The following HCN2 variants were observed in gnomAD, a reference collection of about 807,000 sequenced individuals.
The protein encoded by HCN2 is potassium/sodium hyperpolarization-activated cyclic nucleotide-gated channel 2.
HCN2 carries 20 observed loss-of-function variants against 52.3 expected under a neutral mutation model. That is an observed-to-expected ratio of 0.38 (90% CI 0.27 to 0.56). The LOEUF (loss-of-function observed/expected upper bound fraction) is 0.56. HCN2 is among the 20% of genes least tolerant of loss of function. The probability of loss-of-function intolerance (pLI) is 0.71; values close to 1 mark genes in which losing one functional copy is unlikely to be tolerated. For missense variants in HCN2, 981 were observed against 1,207.7 expected (o/e 0.81, Z 2.78); for synonymous variants, 694 against 537.0 (o/e 1.29, Z -4.04).
chr19:600,828 C>T (rs1315343284), intron 1 of HCN2, among the ~76,000 whole-genome samples: 2 of 152,166 alleles, frequency 1.3e-5, no homozygotes, highest in Non-Finnish European at 1.5e-5. Context: ...TAAAACCTAT[C>T]AATCAGTGTC....
At chr19:606,470 G>A (rs532120787) in intron 3 of HCN2, among the ~76,000 whole-genome samples, 1 of 152,282 alleles carries the variant, frequency 6.6e-6, no homozygotes, top group Non-Finnish European at 1.5e-5. Context: ...ACTCCAGCCT[G>A]GGTCACAGAG....
Position 616,313 on chromosome 19 carries a change from T to A in HCN2, c.2509T>A (p.Ser837Thr). The part of the protein sequence containing the change: ...LPHGAPGPAA[S>T]TRPASSSTPR... ...TCACGGCGCCCCCGGCCCCGCGGCC[T>A]CCACACGCCCGGCCAGCAGCTCCAC... Residue 837 changes from serine to threonine, a missense_variant, in exon 8 of 8, where the codon TCC becomes ACC. Physicochemically the swap from Ser to Thr is moderately conservative, Grantham distance 58 (BLOSUM62 1). Coordinates refer to ENST00000251287, the MANE Select transcript of HCN2 (RefSeq NM_001194.4). The A allele has an allele frequency of 8.9e-7, 1 of 1,125,810 alleles. No homozygotes were observed. Among genetic ancestry groups the A allele is most frequent in the Non-Finnish European group, 1.1e-6 (1 of 916,990 alleles). The allele number at this position is 1,125,810 out of a possible 1,614,324, so 69.7% of individuals were successfully genotyped here. A position where few individuals can be genotyped will look rare whatever the true frequency, so the allele number is the denominator to read the frequency against.
chr19:616,029 T>C lies in HCN2; in HGVS notation c.2225T>C (p.Val742Ala), dbSNP rs1464702137. 6.8e-6 allele frequency: 9 copies of C among 1,325,490 alleles called. No individual in the cohort carries two copies. The highest frequency in any genetic ancestry group is 8.6e-6 in the Non-Finnish European group (9 of 1,043,908). The allele number at this position is 1,325,490 out of a possible 1,614,324, so 82.1% of individuals were successfully genotyped here. A position where few individuals can be genotyped will look rare whatever the true frequency, so the allele number is the denominator to read the frequency against. Residue 742 changes from valine (V) to alanine (A), a missense_variant, in exon 8 of 8, where the codon GTG becomes GCG. Physicochemically the swap from Val to Ala is moderately conservative, Grantham distance 64. Transcript: ENST00000251287. The part of the protein sequence containing the change: ...QAAAMSFCPQ[V>A]ARPLVGPLAL... Reference sequence around the variant, plus strand: ...GCGGCCATGAGCTTCTGCCCGCAGGTGGCGCGGCCGCTCGTGGGGCCGCTG... The same window carrying C: ...GCGGCCATGAGCTTCTGCCCGCAGGCGGCGCGGCCGCTCGTGGGGCCGCTG...
At position 613,328 on chromosome 19, in the gene HCN2, C is replaced by T; in HGVS notation, c.1665C>T (p.Ala555=). Residue 555 remains alanine, a synonymous_variant, in exon 6 of 8, where the codon GCC becomes GCT. Coordinates refer to ENST00000251287, the MANE Select transcript of HCN2 (RefSeq NM_001194.4). ...FANADPNFVT[A]MLTKLKFEVF... is the part of the protein sequence containing the mutation. ...ACGCCGACCCCAACTTCGTCACGGC[C>T]ATGCTGACCAAGCTCAAGTTCGAGG... 1 of 1,613,052 alleles carries T rather than the reference C, an allele frequency of 6.2e-7. No individual in the cohort carries two copies. The highest frequency in any genetic ancestry group is 8.5e-7 in the Non-Finnish European group (1 of 1,179,910).
rs1983938549 is a variant in HCN2, at chr19:616,544, A to T, written c.*70A>T. The T allele has an allele frequency of 2.2e-6, 2 of 912,982 alleles. No individual in the cohort carries two copies. The highest frequency in any genetic ancestry group is 2.8e-6 in the Non-Finnish European group (2 of 723,324). 56.6% of individuals were successfully genotyped at this position (912,982 alleles called of 1,614,324 possible). On this transcript the variant is annotated 3_prime_UTR_variant, in exon 8 of 8. Coordinates refer to ENST00000251287, the MANE Select transcript of HCN2 (RefSeq NM_001194.4). ...CCGTCATCCAGACCAAAGCCATGCC[A>T]TTGCGCTGCCCCGGCCGCCAGTCCG...
At chr19:605,350 C>A (rs1210367549) in intron 3 of HCN2, 128 bp downstream of exon 3, 2 of 660,818 alleles carry the variant, frequency 3.0e-6, no homozygotes, top group African/African-American at 3.8e-5. Flanking sequence ...CAGGCGCCCC[C>A]TTATGGAGGG....
At chr19:610,950 T>C (rs1051877948) in intron 5 of HCN2, among the ~76,000 whole-genome samples, 13 of 152,180 alleles carry the variant, frequency 8.5e-5, no homozygotes, top group African/African-American at 2.7e-4. Context: ...CCTTCCTGCC[T>C]CTTCCGGCGT....
intron 5 of HCN2, among the ~76,000 whole-genome samples, chr19:612,429 A>T (rs749559357): frequency 0.06 from 3,878 of 64,336 alleles, 65 homozygotes; most frequent in African/African-American, 0.062. Flanking sequence ...TGTGTGTGTG[A>T]GAGAGAGATG....
intron 2 of HCN2, among the ~76,000 whole-genome samples, chr19:604,677 G>A (rs1479171893): frequency 2.2e-4 from 23 of 104,474 alleles, no homozygotes; most frequent in South Asian, 1.2e-3. Context: ...GGCGGGGTCA[G>A]GCAGCAGGGG....
chr19:614,643 G>A (rs1331483964), intron 7 of HCN2, among the ~76,000 whole-genome samples: 1 of 152,150 alleles, frequency 6.6e-6, no homozygotes, highest in East Asian at 1.9e-4. Context: ...GGAGGTTGGG[G>A]AAGAAGGGGA....
Position 610,363 on chromosome 19 carries a change from C to T in HCN2, c.1542C>T (p.Asp514=), listed in dbSNP as rs141337133. The stretch of plus-strand genomic sequence containing the variant: ...ACCGTTACCAGGGCAAGATGTTTGA[C>T]GAGGACAGCATCCTGGGCGAGCTCA... ...YEHRYQGKMF[D]EDSILGELNG... Residue 514 remains aspartate, a synonymous_variant, in exon 5 of 8, where the codon GAC becomes GAT. Coordinates refer to ENST00000251287, the MANE Select transcript of HCN2 (RefSeq NM_001194.4). The T allele has an allele frequency of 1.6e-4, 264 of 1,613,578 alleles. No homozygotes were observed. Among genetic ancestry groups the T allele is most frequent in the African/African-American group, 4.0e-4 (30 of 74,908 alleles).
Position 612,938 on chromosome 19 carries a change from C to T in HCN2, c.1585-310C>T, listed in dbSNP as rs143656719. Among the ~76,000 whole-genome samples, 478 of 152,124 alleles carry T rather than the reference C, an allele frequency of 3.1e-3. 6 individuals carry two copies. Among genetic ancestry groups the T allele is most frequent in the African/African-American group, 0.011 (446 of 41,518 alleles). The stretch of plus-strand genomic sequence containing the variant: ...CAAGCGATCCTCCCGCCTCGGCCTC[C>T]GCAAATGCTGAGATCACACGCGTGA... On this transcript the variant is annotated intron_variant, in intron 5 of 7. Transcript: ENST00000251287.
chr19:610,585 G>GACCCCCGCC lies in HCN2; in HGVS notation c.1584+190_1584+198dup, dbSNP rs1252005333. On this transcript the variant is annotated intron_variant, in intron 5 of 7. Coordinates refer to ENST00000251287, the MANE Select transcript of HCN2 (RefSeq NM_001194.4). ...GCCCCGTGAGCCTCTGCACCCCCAG[G>GACCCCCGCC]ACCCCCGCCACCCCCGCCTTGCTTC... 5.9e-5 allele frequency among the ~76,000 whole-genome samples: 9 copies of GACCCCCGCC among 152,216 alleles called. No individual in the cohort carries two copies. The South Asian group carries it at 1.2e-3, about 21-fold the overall frequency.
rs574510166 is a variant in HCN2, at chr19:610,975, G to A, written c.1584+570G>A. On this transcript the variant is annotated intron_variant, in intron 5 of 7. Transcript: ENST00000251287. ...TCTTCCGGCGTCTGGGGCTCCAGGCGCCCTTGGCTTGCAGATTGATCTCCC... is the reference window on the plus strand; with the variant it reads ...TCTTCCGGCGTCTGGGGCTCCAGGCACCCTTGGCTTGCAGATTGATCTCCC... 6.9e-3 allele frequency among the ~76,000 whole-genome samples: 1,048 copies of A among 152,124 alleles called. 7 individuals carry two copies. Among genetic ancestry groups the A allele is most frequent in the Middle Eastern group, 0.014 (4 of 294 alleles).
rs1350238863 is a variant in HCN2, at chr19:591,559, GTGTT to G, written c.632+986_632+989del. 2.6e-5 allele frequency among the ~76,000 whole-genome samples: 4 copies of G among 152,146 alleles called. No individual in the cohort carries two copies. Among genetic ancestry groups the G allele is most frequent in the Admixed American group, 1.3e-4 (2 of 15,292 alleles). ...CACGCGACCATGGAGGGATGCGTGT[GTGTT>G]TGTGTATCCACGAGTGGGGTGTGAG... On this transcript the variant is annotated intron_variant, in intron 1 of 7. Coordinates refer to ENST00000251287, the MANE Select transcript of HCN2 (RefSeq NM_001194.4). This position sits in a 1 kb window ranked among gnomAD's most constrained non-coding sequence, Gnocchi z 4.1.
rs1489713522 is a variant in HCN2 at position 612,687 on chromosome 19, T to G, written c.1585-561T>G. ...ACCTTGGCCTCCCAGAGTGCTGGGA[T>G]TACAGGTGTGAGCCACCACGCCCGG... On this transcript the variant is annotated intron_variant, in intron 5 of 7. Transcript: ENST00000251287. Among the ~76,000 whole-genome samples, 6 of 151,906 alleles carry G rather than the reference T, an allele frequency of 3.9e-5. No homozygotes were observed. In the South Asian group the frequency reaches 1.2e-3, roughly 32 times the overall value.
rs564069331 is a variant in HCN2, at chr19:595,297, C to T, written c.632+4720C>T. 5.3e-5 allele frequency among the ~76,000 whole-genome samples: 8 copies of T among 151,668 alleles called. 1 individual carries two copies. The South Asian group carries it at 1.5e-3, about 28-fold the overall frequency. ...GGGCCCTGCCTCACCCCCCACCCCA[C>T]GGTTCAGCCTCGCACCCTGTGCGCT... On this transcript the variant is annotated intron_variant, in intron 1 of 7. Coordinates refer to ENST00000251287, the MANE Select transcript of HCN2 (RefSeq NM_001194.4).
Position 615,826 on chromosome 19 carries a change from G to A in HCN2, c.2022G>A (p.Val674=), listed in dbSNP as rs1175185234. 1.9e-6 allele frequency: 3 copies of A among 1,612,464 alleles called. No homozygotes were observed. Among genetic ancestry groups the A allele is most frequent in the South Asian group, 1.1e-5 (1 of 90,972 alleles). ...AGAATTCCATCCTCCTGCACAAGGT[G>A]CAGCATGACCTCAACTCGGGCGTAT... ...GKKNSILLHK[V]QHDLNSGVFN... The change falls in exon 8 of 8, where the codon GTG becomes GTA. Residue 674 remains valine (V), a synonymous_variant. Transcript: ENST00000251287.
chr19:616,361 G>A lies in HCN2; in HGVS notation c.2557G>A (p.Ala853Thr), dbSNP rs983434550. 1.3e-5 allele frequency: 16 copies of A among 1,216,598 alleles called. No individual in the cohort carries two copies. In the East Asian group the frequency reaches 3.3e-4, roughly 25 times the overall value. 75.4% of individuals were successfully genotyped at this position (1,216,598 alleles called of 1,614,324 possible). ...SSTPRLGPTP[A>T]ARAAAPSPDR... ...CACACCGCGCTTGGGGCCCACGCCC[G>A]CTGCCCGGGCCGCCGCGCCCAGCCC... Residue 853 changes from alanine to threonine, a missense_variant, in exon 8 of 8, where the codon GCT (alanine) becomes ACT (threonine). This residue lies in a region of HCN2 where 368 missense variants were observed against 314.8 expected (regional missense o/e 1.17). Transcript: ENST00000251287.
Sources: allele counts gnomAD v4.1 joint callset (sites outside exome capture counted in the v4.1 genomes callset), GRCh38; gene constraint gnomAD v4.1.1; regional missense constraint gnomAD v4.1.1; non-coding constraint Gnocchi (gnomAD v3.1); transcripts MANE v1.5; gene names NCBI Gene and HGNC (gene_info 2026-07-23, HGNC 2026-07-21).